The following SIPA1L1 variants were observed in gnomAD, a reference collection of about 807,000 sequenced individuals.
SIPA1L1 encodes signal-induced proliferation-associated 1-like protein 1.
SIPA1L1 carries 26 observed loss-of-function variants against 162.7 expected under a neutral mutation model. The ratio of observed to expected loss-of-function variants is 0.16; its 90% CI spans 0.12 to 0.22. The LOEUF (loss-of-function observed/expected upper bound fraction) is 0.22, where lower values mean the gene tolerates loss of function less well. SIPA1L1 is among the 10% of genes least tolerant of loss of function. The pLI, the probability that SIPA1L1 is intolerant of heterozygous loss-of-function variation, is 1.00. For synonymous variants in SIPA1L1, 829 were observed against 837.4 expected, an observed-to-expected ratio of 0.99 and a Z score of 0.17; for missense variants, 1,874 against 2,241.0, an observed-to-expected ratio of 0.84 and a Z score of 3.31.
chr14:71,438,314 C>T (rs1355854514), intron 2 of SIPA1L1, among the ~76,000 whole-genome samples: 1 of 152,068 alleles, frequency 6.6e-6, no homozygotes, highest in African/African-American at 2.4e-5. Flanking sequence ...TGAGCCTTGG[C>T]CCCCGATTGC....
intron 2 of SIPA1L1, among the ~76,000 whole-genome samples, chr14:71,496,725 C>CCTT (rs2049813714): frequency 6.6e-6 from 1 of 151,978 alleles, no homozygotes; most frequent in Non-Finnish European, 1.5e-5. Context: ...AATTGTCTCT[C>CCTT]TCAGTTCTGT....
At chr14:71,484,746 T>C (rs2048617097) in intron 2 of SIPA1L1, among the ~76,000 whole-genome samples, 1 of 152,192 alleles carries the variant, frequency 6.6e-6, no homozygotes, top group Non-Finnish European at 1.5e-5. Flanking sequence ...AGCAGAGACT[T>C]GACAGTAGGC....
intron 2 of SIPA1L1, among the ~76,000 whole-genome samples, chr14:71,398,160 C>T (rs1303211678): frequency 2.6e-5 from 4 of 151,850 alleles, no homozygotes; most frequent in Admixed American, 1.3e-4. Context: ...GGACTACAGG[C>T]GCCTGCCACT....
chr14:71,692,487 A>G (rs1397312556), intron 13 of SIPA1L1, among the ~76,000 whole-genome samples: 1 of 152,210 alleles, frequency 6.6e-6, no homozygotes, highest in East Asian at 1.9e-4. Context: ...CGGACTCTGA[A>G]GGCTCCTGTT....
intron 2 of SIPA1L1, among the ~76,000 whole-genome samples, chr14:71,509,612 CAGGTGCCTGTAATCCCAGCTACTA>C (rs1486260911): frequency 6.6e-6 from 1 of 151,950 alleles, no homozygotes; most frequent in Non-Finnish European, 1.5e-5. Context: ...GGTGTGGTGG[CAGGTGCCTGTAATCCCAGCTACTA>C]GGGAGGCTGA....
chr14:71,695,156 A>G (rs1269313370), intron 13 of SIPA1L1, among the ~76,000 whole-genome samples: 1 of 152,232 alleles, frequency 6.6e-6, no homozygotes, highest in Non-Finnish European at 1.5e-5. Flanking sequence ...TATCAAATTC[A>G]GAGTATTTGG....
chr14:71,720,205 T>A (rs1293640706), intron 17 of SIPA1L1, among the ~76,000 whole-genome samples: 2 of 152,198 alleles, frequency 1.3e-5, no homozygotes. Context: ...TTTGGAAATG[T>A]TCATTATTCT....
chr14:71,643,018 C>G (rs935394996), intron 7 of SIPA1L1, among the ~76,000 whole-genome samples: 3 of 150,624 alleles, frequency 2.0e-5, no homozygotes, highest in African/African-American at 7.3e-5. Context: ...GACAACTTCA[C>G]CTGACCTAAT....
At chr14:71,346,262 TTAAAC>T (rs1310500366) in intron 2 of SIPA1L1, among the ~76,000 whole-genome samples, 3 of 152,170 alleles carry the variant, frequency 2.0e-5, no homozygotes, top group Non-Finnish European at 4.4e-5. Flanking sequence ...AATGGTGTGT[TTAAAC>T]TATATGTGTG....
intron 2 of SIPA1L1, among the ~76,000 whole-genome samples, chr14:71,354,785 G>T (rs949462151): frequency 6.6e-6 from 1 of 152,174 alleles, no homozygotes; most frequent in Non-Finnish European, 1.5e-5. Context: ...TCTTAGGGAA[G>T]AATATAGTTT....
chr14:71,694,937 T>C (rs2081513917), intron 13 of SIPA1L1, among the ~76,000 whole-genome samples: 1 of 152,194 alleles, frequency 6.6e-6, no homozygotes, highest in Non-Finnish European at 1.5e-5. Flanking sequence ...GAGATCAGTG[T>C]GCTGGTTTTC....
In SIPA1L1 at chr14:71,377,846, C is replaced by T. The variant is rs1020398230; in HGVS notation, c.-465+56665C>T. On this transcript the variant is annotated intron_variant, in intron 2 of 23. Coordinates refer to ENST00000381232, the MANE Select transcript of SIPA1L1 (RefSeq NM_001386936.1). The surrounding 1 kb of genome is among the most constrained non-coding windows in gnomAD (Gnocchi z 4.8). ...CAAAAACCAGTCAGGCGTGGCGGCG[C>T]GTGCCTGCAATCCCAGGCACTCGGC... 2.0e-5 allele frequency among the ~76,000 whole-genome samples: 3 copies of T among 152,180 alleles called. No homozygotes were observed. Among genetic ancestry groups the T allele is most frequent in the African/African-American group, 7.2e-5 (3 of 41,446 alleles).
chr14:71,684,491 T>C (rs569986895), intron 12 of SIPA1L1, among the ~76,000 whole-genome samples: 1 of 152,390 alleles, frequency 6.6e-6, no homozygotes, highest in South Asian at 2.1e-4. Flanking sequence ...ACAGGAGGCA[T>C]GTGGCTACAC....
At chr14:71,625,138 C>G (rs2039839868) in intron 7 of SIPA1L1, among the ~76,000 whole-genome samples, 1 of 151,954 alleles carries the variant, frequency 6.6e-6, no homozygotes, top group Non-Finnish European at 1.5e-5. Context: ...TATTGAATGT[C>G]ATTTTGTGAC....
In SIPA1L1 at chr14:71,739,007, C is replaced by G; in HGVS notation, c.5209-11C>G. ...CACCTCTTAGCTTTTCTACTTCACT[C>G]TGCCTCCCAGGAAAAAGAAGACAAA... On this transcript the variant is annotated splice_polypyrimidine_tract_variant and intron_variant, in intron 23 of 23. Transcript: ENST00000381232. The G allele has an allele frequency of 6.2e-7, 1 of 1,612,122 alleles. No individual in the cohort carries two copies. Among genetic ancestry groups the G allele is most frequent in the African/African-American group, 1.3e-5 (1 of 75,006 alleles).
At chr14:71,468,807 A>G (rs769643257) in intron 2 of SIPA1L1, among the ~76,000 whole-genome samples, 2 of 152,262 alleles carry the variant, frequency 1.3e-5, no homozygotes, top group Non-Finnish European at 2.9e-5. Flanking sequence ...GACAGGAGCT[A>G]TATAAAAACC....
intron 17 of SIPA1L1, among the ~76,000 whole-genome samples, chr14:71,720,913 C>T (rs1488252261): frequency 6.6e-6 from 1 of 152,128 alleles, no homozygotes; most frequent in East Asian, 1.9e-4. Context: ...AATTCTCTGT[C>T]TGAATTCTGT....
intron 5 of SIPA1L1, among the ~76,000 whole-genome samples, chr14:71,594,640 G>T (rs1008102362): frequency 7.9e-5 from 12 of 152,134 alleles, no homozygotes; most frequent in African/African-American, 2.9e-4. Context: ...GTTGAATTTA[G>T]CAGTTATTTT....
rs560362141 is a variant in SIPA1L1, at chr14:71,515,584, C to T, written c.-362+2739C>T. ...AACTTACCATCTGTTTTAAAGATTT[C>T]GTACATACTGTAACCCACATAATAT... is the stretch of plus-strand genomic sequence containing the variant. On this transcript the variant is annotated intron_variant, in intron 3 of 23. Coordinates refer to ENST00000381232, the MANE Select transcript of SIPA1L1 (RefSeq NM_001386936.1). Among the ~76,000 whole-genome samples, 25 of 152,252 alleles carry T rather than the reference C, an allele frequency of 1.6e-4. No individual in the cohort carries two copies. In the East Asian group the frequency reaches 2.7e-3, roughly 16 times the overall value.
Sources: gnomAD v4.1 joint callset for allele counts (sites outside exome capture counted in the v4.1 genomes callset) on GRCh38, gnomAD v4.1.1 for gene constraint, Gnocchi (gnomAD v3.1) non-coding constraint, MANE v1.5 for transcripts, NCBI Gene and HGNC (gene_info 2026-07-23, HGNC 2026-07-21) for gene names.